Variants in FAF1 observed in about 807,000 individuals in gnomAD.
FAF1 encodes Fas associated factor 1.
A neutral mutation model predicts 92.5 loss-of-function variants in FAF1; 25 were observed. That is an observed-to-expected ratio of 0.27 (90% CI 0.20 to 0.38). The LOEUF is 0.38. Among genes scored for constraint, FAF1 ranks in the 10% least tolerant of loss-of-function variants. The probability of loss-of-function intolerance (pLI) is 1.00; values close to 1 mark genes in which losing one functional copy is unlikely to be tolerated. For missense variants in FAF1, 636 were observed against 793.3 expected, an observed-to-expected ratio of 0.80 and a Z score of 2.38; for synonymous variants, 234 against 273.2, an observed-to-expected ratio of 0.86 and a Z score of 1.42.
At chr1:50,578,001 T>C (rs1304069780) in intron 12 of FAF1, among the ~76,000 whole-genome samples, 4 of 152,228 alleles carry the variant, frequency 2.6e-5, no homozygotes, top group Admixed American at 6.5e-5. Context: ...ATGGATTGAA[T>C]GTGGCATCGT....
chr1:50,891,653 G>A (rs1200482173), intron 1 of FAF1, among the ~76,000 whole-genome samples: 1 of 152,224 alleles, frequency 6.6e-6, no homozygotes, highest in Non-Finnish European at 1.5e-5. Flanking sequence ...GGTTTCAGCA[G>A]CAGAGGCTGC....
intron 4 of FAF1, among the ~76,000 whole-genome samples, chr1:50,786,810 C>G (rs1229458595): frequency 1.3e-5 from 2 of 152,116 alleles, no homozygotes; most frequent in African/African-American, 4.8e-5. Context: ...GGGGCTTGAT[C>G]AAACAGGGAC....
At chr1:50,919,101 T>G (rs1644942767) in intron 1 of FAF1, among the ~76,000 whole-genome samples, 1 of 152,230 alleles carries the variant, frequency 6.6e-6, no homozygotes, top group African/African-American at 2.4e-5. Context: ...ATAATTTTGT[T>G]TTATACTCTT....
At chr1:50,485,692 A>C (rs1425607156) in intron 17 of FAF1, among the ~76,000 whole-genome samples, 3 of 149,378 alleles carry the variant, frequency 2.0e-5, no homozygotes, top group East Asian at 2.0e-4. Context: ...AAAAAAAAAA[A>C]AAAACCAAAA....
chr1:50,479,918 C>T (rs1287989452), intron 17 of FAF1, among the ~76,000 whole-genome samples: 1 of 152,132 alleles, frequency 6.6e-6, no homozygotes, highest in African/African-American at 2.4e-5. Context: ...AACAAAAATA[C>T]ATCAGTAGTT....
rs978873480 is a variant in FAF1 at position 50,713,494 on chromosome 1, G to A, written c.552-7603C>T. Among the ~76,000 whole-genome samples, 9 of 152,038 alleles carry A rather than the reference G, an allele frequency of 5.9e-5. No individual in the cohort carries two copies. The South Asian group carries it at 8.3e-4, about 14-fold the overall frequency. On this transcript the variant is annotated intron_variant, in intron 6 of 18. Transcript: ENST00000396153. ...TCACTATGTTGGCCAGGCTGGTCTCGAACTCCTGATCTCAGGTGATCTGCC... is the reference window on the plus strand; with the variant it reads ...TCACTATGTTGGCCAGGCTGGTCTCAAACTCCTGATCTCAGGTGATCTGCC...
intron 6 of FAF1, among the ~76,000 whole-genome samples, chr1:50,723,336 G>T (rs941610986): frequency 2.0e-5 from 3 of 151,404 alleles, no homozygotes; most frequent in Non-Finnish European, 4.4e-5. Flanking sequence ...GGAGGCAGAG[G>T]TTGCAGTGAG....
intron 18 of FAF1, among the ~76,000 whole-genome samples, chr1:50,455,894 G>A (rs1646346354): frequency 6.6e-6 from 1 of 151,978 alleles, no homozygotes; most frequent in Non-Finnish European, 1.5e-5. Context: ...CCAACATGGT[G>A]AAACCCTGTC....
chr1:50,929,287 G>A (rs1220754232), intron 1 of FAF1, among the ~76,000 whole-genome samples: 1 of 152,040 alleles, frequency 6.6e-6, no homozygotes, highest in Non-Finnish European at 1.5e-5. Context: ...ACATAGGAAA[G>A]CAGAAGGAGT....
intron 8 of FAF1, among the ~76,000 whole-genome samples, chr1:50,607,126 C>CT (rs557906388): frequency 2.8e-4 from 43 of 151,424 alleles, no homozygotes; most frequent in South Asian, 6.3e-4. Flanking sequence ...TGTAAGCCAC[C>CT]TTTTTTTTTC....
At chr1:50,676,407 T>TAA (rs553641377) in intron 7 of FAF1, among the ~76,000 whole-genome samples, 2 of 134,176 alleles carry the variant, frequency 1.5e-5, no homozygotes, top group African/African-American at 2.7e-5. Context: ...AACTCTGTCT[T>TAA]AAAAAAAAAA....
At chr1:50,894,518 A>G (rs969190207) in intron 1 of FAF1, among the ~76,000 whole-genome samples, 1 of 151,996 alleles carries the variant, frequency 6.6e-6, no homozygotes. Flanking sequence ...GCTGTTACTT[A>G]AGGCGCAAGA....
intron 15 of FAF1, 35 bp from the exon 16 acceptor site, chr1:50,491,836 T>TTACAAAAAAA: frequency 6.5e-7 from 1 of 1,539,786 alleles, no homozygotes; most frequent in Non-Finnish European, 8.9e-7. Context: ...TTTTGACATA[T>TTACAAAAAAA]AACTTTTTTT....
At chr1:50,540,029 T>C (rs898870745) in intron 13 of FAF1, among the ~76,000 whole-genome samples, 1 of 152,024 alleles carries the variant, frequency 6.6e-6, no homozygotes, top group African/African-American at 2.4e-5. Flanking sequence ...TGGAGTGCAG[T>C]GTTGTGATCT....
intron 13 of FAF1, among the ~76,000 whole-genome samples, chr1:50,542,090 GGA>G (rs1320371492): frequency 6.6e-6 from 1 of 152,062 alleles, no homozygotes; most frequent in African/African-American, 2.4e-5. Context: ...GAAGTAGTTG[GGA>G]GATACACAGG....
chr1:50,577,725 T>C (rs1650817632), intron 12 of FAF1, among the ~76,000 whole-genome samples: 1 of 152,220 alleles, frequency 6.6e-6, no homozygotes, highest in African/African-American at 2.4e-5. Flanking sequence ...GATAAACATT[T>C]ATAGCCCTCA....
intron 1 of FAF1, among the ~76,000 whole-genome samples, chr1:50,863,732 A>AG (rs1644455329): frequency 6.6e-6 from 1 of 152,024 alleles, no homozygotes; most frequent in Non-Finnish European, 1.5e-5. Flanking sequence ...TGAGTTAGGG[A>AG]GGATTCCCTC....
At chr1:50,447,332 A>G (rs1646240929) in intron 18 of FAF1, among the ~76,000 whole-genome samples, 1 of 151,888 alleles carries the variant, frequency 6.6e-6, no homozygotes, top group African/African-American at 2.4e-5. Context: ...TCACCGTGTT[A>G]GCCAGGATGG....
intron 7 of FAF1, among the ~76,000 whole-genome samples, chr1:50,674,259 A>AT (rs59709788): frequency 0.068 from 10,070 of 147,524 alleles, 406 homozygotes; most frequent in East Asian, 0.092. Context: ...CCCCAAGGCA[A>AT]TTTTTTTTTT....
Sources: allele counts gnomAD v4.1 joint callset (sites outside exome capture counted in the v4.1 genomes callset), GRCh38; gene constraint gnomAD v4.1.1; transcripts MANE v1.5; gene names NCBI Gene and HGNC (gene_info 2026-07-23, HGNC 2026-07-21).